ZBTB20: variants seen among roughly 807,000 people sequenced by gnomAD.
The protein encoded by ZBTB20 is zinc finger and BTB domain-containing protein 20.
Under a neutral mutation model 56.9 loss-of-function variants are expected in ZBTB20, and 9 were observed. That is an observed-to-expected ratio of 0.16 (90% confidence interval 0.10 to 0.28). The LOEUF is 0.28. Among genes scored for constraint, ZBTB20 ranks in the 10% least tolerant of loss-of-function variants. The pLI is 1.00. For synonymous variants in ZBTB20, 417 were observed against 420.7 expected (o/e 0.99, Z 0.11); for missense variants, 655 against 1,003.0 (o/e 0.65, Z 4.69).
At position 114,513,540 on chromosome 3, in the gene ZBTB20, G is replaced by C. The variant is rs966433367; in HGVS notation, c.-294-13149C>G. 4.6e-5 allele frequency among the ~76,000 whole-genome samples: 7 copies of C among 152,310 alleles called. No individual in the cohort carries two copies. The South Asian group carries it at 6.2e-4, about 14-fold the overall frequency. On this transcript the variant is annotated intron_variant, in intron 6 of 11. Transcript: ENST00000675478. Reference sequence around the variant, plus strand: ...TGGGTCCAAGTCCCCTGGGTCAGGTGGTTAGGGGCTTGGCAGGCTGGAGAG... The same window carrying C: ...TGGGTCCAAGTCCCCTGGGTCAGGTCGTTAGGGGCTTGGCAGGCTGGAGAG...
At chr3:114,873,964 G>T (rs1205772239) in intron 4 of ZBTB20, 1 of 152,134 alleles carries the variant, frequency 6.6e-6, no homozygotes, top group Non-Finnish European at 1.5e-5. Context: ...AACCAACACT[G>T]CCTGGACAAA....
chr3:114,416,285 T>C (rs1263722248), intron 7 of ZBTB20, among the ~76,000 whole-genome samples: 11 of 150,552 alleles, frequency 7.3e-5, no homozygotes, highest in Non-Finnish European at 7.4e-5. Context: ...ACCTGATCAT[T>C]GTGGTCAGAC....
intron 6 of ZBTB20, among the ~76,000 whole-genome samples, chr3:114,672,783 T>C (rs2061422332): frequency 6.6e-6 from 1 of 152,206 alleles, no homozygotes; most frequent in African/African-American, 2.4e-5. Flanking sequence ...TACTGTGACA[T>C]GTTACCTGCT....
intron 2 of ZBTB20, among the ~76,000 whole-genome samples, chr3:114,987,885 T>C (rs990380396): frequency 6.6e-5 from 10 of 152,134 alleles, no homozygotes; most frequent in East Asian, 1.9e-4. Flanking sequence ...AAGATTAGAA[T>C]TGAAATAATT....
intron 2 of ZBTB20, among the ~76,000 whole-genome samples, chr3:115,069,610 A>C (rs1444024063): frequency 6.6e-6 from 1 of 152,170 alleles, no homozygotes; most frequent in Admixed American, 6.6e-5. Context: ...GGTAGGTTGG[A>C]GGTAGAAAAT....
chr3:115,146,675 C>G (rs949658013), intron 1 of ZBTB20, among the ~76,000 whole-genome samples: 2 of 152,162 alleles, frequency 1.3e-5, no homozygotes, highest in Admixed American at 1.3e-4. Flanking sequence ...CTCCTGCCCC[C>G]CAGTTCTCTG....
Position 114,432,001 on chromosome 3 carries a change from A to G in ZBTB20, c.-254-42896T>C, listed in dbSNP as rs79108514. Reference sequence around the variant, plus strand: ...CCTTAACATGGGTTAGCTGAAGGCCATGGAGAATAACGGATGTGCAGTTGT... The same window carrying G: ...CCTTAACATGGGTTAGCTGAAGGCCGTGGAGAATAACGGATGTGCAGTTGT... On this transcript the variant is annotated intron_variant, in intron 7 of 11. Coordinates refer to ENST00000675478, the MANE Select transcript of ZBTB20 (RefSeq NM_001348800.3). Among the ~76,000 whole-genome samples, 737 of 152,318 alleles carry G rather than the reference A, an allele frequency of 4.8e-3. 4 individuals are homozygous for G. Among genetic ancestry groups the G allele is most frequent in the Non-Finnish European group, 7.4e-3 (503 of 68,022 alleles).
chr3:114,756,971 T>C (rs187537676), intron 5 of ZBTB20, among the ~76,000 whole-genome samples: 2 of 152,140 alleles, frequency 1.3e-5, no homozygotes, highest in Non-Finnish European at 2.9e-5. Context: ...ATTTTCACTT[T>C]AAAAAAATAT....
intron 6 of ZBTB20, among the ~76,000 whole-genome samples, chr3:114,543,036 T>C (rs1215940113): frequency 6.6e-6 from 1 of 152,148 alleles, no homozygotes; most frequent in Non-Finnish European, 1.5e-5. Context: ...TGTCCCTTGG[T>C]ATCCTCGAGG....
intron 2 of ZBTB20, among the ~76,000 whole-genome samples, chr3:115,068,484 T>C (rs1170497158): frequency 6.6e-6 from 1 of 152,078 alleles, no homozygotes; most frequent in African/African-American, 2.4e-5. Context: ...TGATAGAATT[T>C]GTAATGACTG....
chr3:114,964,493 C>G (rs764429854), intron 3 of ZBTB20, among the ~76,000 whole-genome samples: 12 of 152,124 alleles, frequency 7.9e-5, no homozygotes, highest in Admixed American at 1.3e-4. Context: ...TAAGAAGACA[C>G]AGAAAAGATC....
chr3:114,788,044 G>A (rs539768283), intron 5 of ZBTB20, among the ~76,000 whole-genome samples: 2 of 152,226 alleles, frequency 1.3e-5, no homozygotes, highest in South Asian at 4.1e-4. Context: ...GGTAAAGACT[G>A]TTACTTAAGC....
intron 6 of ZBTB20, among the ~76,000 whole-genome samples, chr3:114,564,346 C>T (rs544014347): frequency 1.3e-5 from 2 of 151,866 alleles, no homozygotes; most frequent in East Asian, 1.9e-4. Flanking sequence ...TGAACATCTT[C>T]GGTGGGGTGG....
chr3:114,656,428 C>G (rs2060408991), intron 6 of ZBTB20, among the ~76,000 whole-genome samples: 1 of 152,062 alleles, frequency 6.6e-6, no homozygotes, highest in South Asian at 2.1e-4. Flanking sequence ...GTACTTTAAC[C>G]TTTGGTTCTT....
chr3:114,424,493 G>A (rs1308885253), intron 7 of ZBTB20, among the ~76,000 whole-genome samples: 1 of 152,218 alleles, frequency 6.6e-6, no homozygotes, highest in Non-Finnish European at 1.5e-5. Context: ...ACGCCAAAAA[G>A]AAGGAGAAAT....
intron 6 of ZBTB20, among the ~76,000 whole-genome samples, chr3:114,515,345 A>T (rs1336811743): frequency 6.6e-6 from 1 of 152,054 alleles, no homozygotes; most frequent in Non-Finnish European, 1.5e-5. Flanking sequence ...TCCCTCATCT[A>T]CAGTTCTCAA....
intron 6 of ZBTB20, among the ~76,000 whole-genome samples, chr3:114,584,918 T>C (rs1310006119): frequency 6.6e-6 from 1 of 152,104 alleles, no homozygotes; most frequent in Non-Finnish European, 1.5e-5. Context: ...GACACCTTGG[T>C]GAATAAGAGC....
chr3:114,513,993 T>C lies in ZBTB20; in HGVS notation c.-294-13602A>G, dbSNP rs116511452. 9.7e-3 allele frequency among the ~76,000 whole-genome samples: 1,480 copies of C among 152,138 alleles called. 24 individuals carry two copies. Among genetic ancestry groups the C allele is most frequent in the African/African-American group, 0.033 (1,362 of 41,496 alleles). The stretch of plus-strand genomic sequence containing the variant: ...ATGTATGTATGTATGTATGTGTTTA[T>C]GTATGTGTATATGTATGTATATATA... On this transcript the variant is annotated intron_variant, in intron 6 of 11. Coordinates refer to ENST00000675478, the MANE Select transcript of ZBTB20 (RefSeq NM_001348800.3).
intron 3 of ZBTB20, among the ~76,000 whole-genome samples, chr3:114,920,487 T>A (rs2075914908): frequency 6.6e-6 from 1 of 151,654 alleles, no homozygotes; most frequent in East Asian, 1.9e-4. Flanking sequence ...AATGAAAAAA[T>A]AAAAGTGGAA....
Sources: allele counts gnomAD v4.1 joint callset (sites outside exome capture counted in the v4.1 genomes callset), GRCh38; gene constraint gnomAD v4.1.1; transcripts MANE v1.5; gene names NCBI Gene and HGNC (gene_info 2026-07-23, HGNC 2026-07-21).